RMND1: variants seen among roughly 807,000 people sequenced by gnomAD.
RMND1 encodes the protein required for meiotic nuclear division 1 homolog, also known as required for meiotic nuclear division protein 1 homolog.
A neutral mutation model predicts 54.0 loss-of-function variants in RMND1; 41 were observed. That is an observed-to-expected ratio of 0.76 (90% CI 0.59 to 0.98). The LOEUF is 0.98. RMND1 is among the 50% of genes least tolerant of loss of function. The pLI is 0.00. For missense variants in RMND1, 457 were observed against 532.0 expected, an observed-to-expected ratio of 0.86 and a Z score of 1.39; for synonymous variants, 183 against 181.7, an observed-to-expected ratio of 1.01 and a Z score of -0.06.
chr6:151,423,467 A>C lies in RMND1; in HGVS notation c.937+58T>G, dbSNP rs145899996. The C allele has an allele frequency of 2.2e-4, 241 of 1,080,494 alleles. No homozygotes were observed. In the African/African-American group the frequency reaches 3.4e-3, roughly 15 times the overall value. The allele number at this position is 1,080,494 out of a possible 1,614,324, so 66.9% of individuals were successfully genotyped here. On this transcript the variant is annotated intron_variant, in intron 7 of 11. Coordinates refer to ENST00000444024, the MANE Select transcript of RMND1 (RefSeq NM_017909.4). ...ATATACCAAAATCGTGACTATTTAA[A>C]CTTCCCTCAGTGAAATGACAACTGT...
intron 11 of RMND1, 103 bp downstream of exon 11, chr6:151,405,617 C>G (rs1779587559): frequency 1.5e-6 from 1 of 676,130 alleles, no homozygotes; most frequent in Non-Finnish European, 2.6e-6. Flanking sequence ...AAGTCAGCCT[C>G]TTTTCTGCTA....
chr6:151,424,030 TA>T (rs1780224770), intron 6 of RMND1, among the ~76,000 whole-genome samples: 2 of 151,952 alleles, frequency 1.3e-5, no homozygotes, highest in Non-Finnish European at 2.9e-5. Context: ...TTTGTATTTT[TA>T]ATAGAGATAG....
intron 3 of RMND1, 65 bp from the exon 4 acceptor site, chr6:151,433,295 A>G: frequency 1.0e-6 from 1 of 981,300 alleles, no homozygotes; most frequent in Non-Finnish European, 1.6e-6. Flanking sequence ...AGAGTCACCT[A>G]TAAACACTGT....
intron 8 of RMND1, 123 bp downstream of exon 8, chr6:151,422,418 T>A (rs540429802): frequency 7.9e-5 from 39 of 491,980 alleles, no homozygotes; most frequent in African/African-American, 7.2e-4. Context: ...TGGTATCCAG[T>A]GGGGTCTTGG....
chr6:151,433,806 G>A (rs1193832909), intron 3 of RMND1, among the ~76,000 whole-genome samples: 1 of 151,842 alleles, frequency 6.6e-6, no homozygotes. Context: ...GCAGCCACCT[G>A]CAACTATTTA....
In RMND1 at chr6:151,405,195, C is replaced by G. The variant is rs750633713; in HGVS notation, c.*40G>C. On this transcript the variant is annotated 3_prime_UTR_variant, in exon 12 of 12. Transcript: ENST00000444024. Reference sequence around the variant, plus strand: ...GAACATTTAATTTTTGATTGTAGAACTTGAATATCTCTTGCAGTGACACTT... The same window carrying G: ...GAACATTTAATTTTTGATTGTAGAAGTTGAATATCTCTTGCAGTGACACTT... 3.8e-6 allele frequency: 6 copies of G among 1,586,268 alleles called. No homozygotes were observed. The highest frequency in any genetic ancestry group is 5.2e-6 in the Non-Finnish European group (6 of 1,155,550).
Position 151,427,586 on chromosome 6 carries a change from G to A in RMND1, c.730-4C>T. On this transcript the variant is annotated splice_polypyrimidine_tract_variant and splice_region_variant and intron_variant, in intron 5 of 11. Coordinates refer to ENST00000444024, the MANE Select transcript of RMND1 (RefSeq NM_017909.4). ...GAACTTTCATCACATGCTTCATCTA[G>A]AAGAAAAGGAAGATTAATCTGAAAT... 3 of 1,565,722 alleles carry A rather than the reference G, an allele frequency of 1.9e-6. No individual in the cohort carries two copies. Among genetic ancestry groups the A allele is most frequent in the Non-Finnish European group, 1.8e-6 (2 of 1,137,192 alleles).
intron 10 of RMND1, chr6:151,408,598 G>A (rs961251583): frequency 6.6e-6 from 1 of 152,354 alleles, no homozygotes; most frequent in African/African-American, 2.4e-5. Context: ...TATGGCAAAG[G>A]AGAATTAAGA....
chr6:151,407,817 G>A (rs1779679661), intron 10 of RMND1, among the ~76,000 whole-genome samples: 1 of 152,094 alleles, frequency 6.6e-6, no homozygotes, highest in Admixed American at 6.5e-5. Flanking sequence ...TGAGGCAGGA[G>A]AATAGTGTGA....
chr6:151,424,108 C>A (rs1041864826), intron 6 of RMND1, among the ~76,000 whole-genome samples: 2 of 152,056 alleles, frequency 1.3e-5, no homozygotes, highest in Admixed American at 1.3e-4. Flanking sequence ...ACCTCGGCCT[C>A]CCAAAGTGGT....
At chr6:151,441,286 T>A (rs1255084969) in intron 2 of RMND1, among the ~76,000 whole-genome samples, 2 of 152,176 alleles carry the variant, frequency 1.3e-5, no homozygotes, top group African/African-American at 2.4e-5. Context: ...TATAATACAT[T>A]TACATTTGGT....
At chr6:151,442,892 T>C (rs1413468081) in intron 2 of RMND1, among the ~76,000 whole-genome samples, 1 of 152,144 alleles carries the variant, frequency 6.6e-6, no homozygotes, top group Non-Finnish European at 1.5e-5. Flanking sequence ...TCTCAGATTA[T>C]GATCTCTGAA....
At chr6:151,406,803 T>TG (rs1779640604) in intron 10 of RMND1, among the ~76,000 whole-genome samples, 1 of 152,146 alleles carries the variant, frequency 6.6e-6, no homozygotes, top group Non-Finnish European at 1.5e-5. Context: ...CACAGGTACG[T>TG]GTTCAGGGGT....
At chr6:151,449,658 C>T (rs1248090690) in intron 1 of RMND1, among the ~76,000 whole-genome samples, 1 of 151,192 alleles carries the variant, frequency 6.6e-6, no homozygotes, top group African/African-American at 2.4e-5. Context: ...TCTCCCTCTC[C>T]CCACGGTCCC....
intron 5 of RMND1, among the ~76,000 whole-genome samples, chr6:151,428,293 C>T (rs1780359698): frequency 1.3e-5 from 2 of 152,074 alleles, no homozygotes; most frequent in African/African-American, 4.8e-5. Flanking sequence ...TATATATGTA[C>T]ATATTTATGC....
intron 1 of RMND1, among the ~76,000 whole-genome samples, chr6:151,447,628 G>A (rs1432096466): frequency 1.3e-5 from 2 of 152,160 alleles, no homozygotes; most frequent in East Asian, 1.9e-4. Flanking sequence ...AGAACCTGCT[G>A]CTTCCAAAAT....
chr6:151,431,360 G>A (rs1183763213), intron 4 of RMND1, among the ~76,000 whole-genome samples: 1 of 152,156 alleles, frequency 6.6e-6, no homozygotes, highest in Non-Finnish European at 1.5e-5. Flanking sequence ...GCAGGAGAGT[G>A]TAGTGGTCAG....
chr6:151,417,267 C>T lies in RMND1; in HGVS notation c.1200+12G>A. The T allele has an allele frequency of 6.3e-7, 1 of 1,597,912 alleles. No individual in the cohort carries two copies. On this transcript the variant is annotated intron_variant, in intron 10 of 11. Transcript: ENST00000444024. The stretch of plus-strand genomic sequence containing the variant: ...GTGTCTTTTTCTCTCATTAGAAGTG[C>T]AAAATACGTACCTTAACTCTTCGGC...
In RMND1 at chr6:151,449,413, G is replaced by A. The variant is rs1781062632; in HGVS notation, c.-15+2603C>T. On this transcript the variant is annotated intron_variant, in intron 1 of 11. Coordinates refer to ENST00000444024, the MANE Select transcript of RMND1 (RefSeq NM_017909.4). Reference sequence around the variant, plus strand: ...TAAACCCCTCAGAATGGCCTGCATGGCACTACATTATCTGTCCTTTATCAC... The same window carrying A: ...TAAACCCCTCAGAATGGCCTGCATGACACTACATTATCTGTCCTTTATCAC... Among the ~76,000 whole-genome samples the A allele has an allele frequency of 2.0e-5, 3 of 151,436 alleles. No homozygotes were observed. The South Asian group carries it at 6.3e-4, about 32-fold the overall frequency.
Sources: allele counts gnomAD v4.1 joint callset (sites outside exome capture counted in the v4.1 genomes callset), GRCh38; gene constraint gnomAD v4.1.1; transcripts MANE v1.5; gene names NCBI Gene and HGNC (gene_info 2026-07-23, HGNC 2026-07-21).